Variants in ATG5 observed in about 807,000 individuals in gnomAD.
ATG5 encodes autophagy related 5.
ATG5 carries 14 observed loss-of-function variants against 36.5 expected under a neutral mutation model. That is an observed-to-expected ratio of 0.38 (90% CI 0.25 to 0.60). The LOEUF (loss-of-function observed/expected upper bound fraction) is 0.60, where lower values mean the gene tolerates loss of function less well. Among genes scored for constraint, ATG5 ranks in the 20% least tolerant of loss-of-function variants. ATG5 has a pLI of 0.60. For missense variants in ATG5, 195 were observed against 326.7 expected (o/e 0.60, Z 3.11); for synonymous variants, 95 against 101.5 (o/e 0.94, Z 0.38).
intron 4 of ATG5, among the ~76,000 whole-genome samples, chr6:106,291,047 A>C (rs1780287194): frequency 3.3e-5 from 5 of 152,200 alleles, no homozygotes; most frequent in Non-Finnish European, 7.4e-5. Flanking sequence ...CAACAACCAC[A>C]GTTTGTCTGT....
intron 2 of ATG5, among the ~76,000 whole-genome samples, chr6:106,308,924 A>T (rs1770546560): frequency 6.6e-6 from 1 of 152,194 alleles, no homozygotes; most frequent in African/African-American, 2.4e-5. Context: ...AAATCTTCTC[A>T]ACCAGTCCAT....
intron 4 of ATG5, among the ~76,000 whole-genome samples, chr6:106,288,414 C>T (rs992068962): frequency 1.3e-5 from 2 of 151,962 alleles, no homozygotes; most frequent in Non-Finnish European, 2.9e-5. Flanking sequence ...AAGAAGGTAC[C>T]ATTTTCATTG....
chr6:106,203,031 T>C (rs988142959), intron 6 of ATG5, among the ~76,000 whole-genome samples: 1 of 151,908 alleles, frequency 6.6e-6, no homozygotes, highest in Non-Finnish European at 1.5e-5. Flanking sequence ...ACAGAGAATG[T>C]GTGTGTGTGT....
chr6:106,234,122 G>A (rs969132890), intron 6 of ATG5, among the ~76,000 whole-genome samples: 1 of 152,104 alleles, frequency 6.6e-6, no homozygotes, highest in Non-Finnish European at 1.5e-5. Flanking sequence ...TGAGGGGGGT[G>A]GAGTTCAAGA....
intron 6 of ATG5, among the ~76,000 whole-genome samples, chr6:106,229,495 A>G (rs1384898306): frequency 2.0e-5 from 3 of 152,074 alleles, no homozygotes; most frequent in Non-Finnish European, 2.9e-5. Flanking sequence ...GAGAGAGACA[A>G]AGAGGAGAAA....
At chr6:106,198,026 A>G (rs1234734519) in intron 7 of ATG5, among the ~76,000 whole-genome samples, 2 of 152,224 alleles carry the variant, frequency 1.3e-5, no homozygotes, top group African/African-American at 4.8e-5. Context: ...ATTACACTTC[A>G]AATGAAAATA....
intron 2 of ATG5, among the ~76,000 whole-genome samples, chr6:106,308,794 A>G (rs1770543316): frequency 6.6e-6 from 1 of 152,254 alleles, no homozygotes; most frequent in Non-Finnish European, 1.5e-5. Context: ...CATACTATTT[A>G]GGATACTTAT....
intron 5 of ATG5, among the ~76,000 whole-genome samples, chr6:106,251,654 AGGGAGGAAGGGAGG>A (rs1778584609): frequency 1.6e-5 from 1 of 60,838 alleles, no homozygotes; most frequent in African/African-American, 6.6e-5. Flanking sequence ...AGAGGGAGGG[AGGGAGGAAGGGAGG>A]GGGAGGGGGA....
chr6:106,260,378 C>T (rs371307340), intron 5 of ATG5, among the ~76,000 whole-genome samples: 1 of 152,104 alleles, frequency 6.6e-6, no homozygotes, highest in East Asian at 1.9e-4. Context: ...GTTTGGGATA[C>T]TTTTATATCC....
intron 6 of ATG5, among the ~76,000 whole-genome samples, chr6:106,235,557 C>T (rs906263964): frequency 2.0e-5 from 3 of 152,136 alleles, no homozygotes; most frequent in African/African-American, 7.2e-5. Flanking sequence ...GTGACCACAT[C>T]CACCTTTAAA....
intron 5 of ATG5, among the ~76,000 whole-genome samples, chr6:106,261,612 A>G (rs1779021858): frequency 6.6e-6 from 1 of 152,246 alleles, no homozygotes; most frequent in Non-Finnish European, 1.5e-5. Context: ...GCACTCAACA[A>G]GTGGTCACTG....
chr6:106,291,884 A>G lies in ATG5; in HGVS notation c.315+1144T>C, dbSNP rs574656282. Among the ~76,000 whole-genome samples, 13 of 152,382 alleles carry G rather than the reference A, an allele frequency of 8.5e-5. No homozygotes were observed. In the South Asian group the frequency reaches 2.1e-3, roughly 24 times the overall value. ...TAACTAACGTGTTTAATAACATGGTATTGTGCAAAGCACATTATAATAAAT... is the reference window on the plus strand; with the variant it reads ...TAACTAACGTGTTTAATAACATGGTGTTGTGCAAAGCACATTATAATAAAT... On this transcript the variant is annotated intron_variant, in intron 4 of 7. Coordinates refer to ENST00000369076, the MANE Select transcript of ATG5 (RefSeq NM_004849.4).
chr6:106,305,772 T>C (rs1770420669), intron 3 of ATG5, among the ~76,000 whole-genome samples: 1 of 152,246 alleles, frequency 6.6e-6, no homozygotes, highest in Admixed American at 6.5e-5. Flanking sequence ...AACTATCCTA[T>C]TTTGCGAAGC....
chr6:106,305,001 G>A (rs1462373390), intron 3 of ATG5, among the ~76,000 whole-genome samples: 1 of 150,970 alleles, frequency 6.6e-6, no homozygotes, highest in Non-Finnish European at 1.5e-5. Flanking sequence ...TGAGGCAGGA[G>A]AATCACTTGA....
chr6:106,186,770 G>T, intron 7 of ATG5, 94 bp from the exon 8 acceptor site: 1 of 1,405,172 alleles, frequency 7.1e-7, no homozygotes, highest in Non-Finnish European at 9.7e-7. Flanking sequence ...TGCATTAAAT[G>T]GATTTTAAAC....
Position 106,257,711 on chromosome 6 carries a change from A to T in ATG5, c.479-9467T>A, listed in dbSNP as rs909150865. ...TAGGCCTGGGATATCACAGGAATTT[A>T]GTAAGCCTAATAAGCTCCTCCATTC... On this transcript the variant is annotated intron_variant, in intron 5 of 7. Transcript: ENST00000369076. 3.3e-5 allele frequency among the ~76,000 whole-genome samples: 5 copies of T among 152,372 alleles called. No individual in the cohort carries two copies. In the East Asian group the frequency reaches 7.7e-4, roughly 23 times the overall value.
chr6:106,210,427 G>A (rs893850359), intron 6 of ATG5, among the ~76,000 whole-genome samples: 4 of 152,126 alleles, frequency 2.6e-5, no homozygotes, highest in African/African-American at 9.7e-5. Flanking sequence ...CCTTTAAAAA[G>A]TATAAAAATG....
intron 3 of ATG5, among the ~76,000 whole-genome samples, chr6:106,296,436 T>C (rs9486315): frequency 0.18 from 26,893 of 152,210 alleles, 2,778 homozygotes; most frequent in African/African-American, 0.28. Context: ...AATAACATGA[T>C]GCCTAGAAGG....
Position 106,216,984 on chromosome 6 carries a change from G to C in ATG5, c.574-14895C>G, listed in dbSNP as rs533130327. ...ATTAAAAAAAAAAAAGTTATCATATGGGTGGCAGGGGAAATCATTCTGGGA... is the reference window on the plus strand; with the variant it reads ...ATTAAAAAAAAAAAAGTTATCATATCGGTGGCAGGGGAAATCATTCTGGGA... On this transcript the variant is annotated intron_variant, in intron 6 of 7. Coordinates refer to ENST00000369076, the MANE Select transcript of ATG5 (RefSeq NM_004849.4). 1.1e-4 allele frequency among the ~76,000 whole-genome samples: 17 copies of C among 152,014 alleles called. No homozygotes were observed. The East Asian group carries it at 3.1e-3, about 28-fold the overall frequency.
Sources: gnomAD v4.1 joint callset for allele counts (sites outside exome capture counted in the v4.1 genomes callset) on GRCh38, gnomAD v4.1.1 for gene constraint, MANE v1.5 for transcripts, NCBI Gene and HGNC (gene_info 2026-07-23, HGNC 2026-07-21) for gene names.